OSBPL1A: variants seen among roughly 807,000 people sequenced by gnomAD.
OSBPL1A encodes the protein oxysterol binding protein like 1A, also known as oxysterol-binding protein-related protein 1.
Under a neutral mutation model 137.1 loss-of-function variants are expected in OSBPL1A, and 80 were observed. The observed-to-expected ratio is 0.58, with a 90% CI of 0.49 to 0.70. The LOEUF is 0.70. Ranked by LOEUF, OSBPL1A falls within the 30% of genes least tolerant of loss-of-function variation. OSBPL1A has a pLI of 0.00. For missense variants in OSBPL1A, 970 were observed against 1,129.4 expected (o/e 0.86, Z 2.02); for synonymous variants, 365 against 389.7 (o/e 0.94, Z 0.75).
intron 16 of OSBPL1A, among the ~76,000 whole-genome samples, chr18:24,229,895 C>T (rs1312902507): frequency 2.0e-5 from 3 of 152,010 alleles, no homozygotes; most frequent in Non-Finnish European, 2.9e-5. Context: ...GGACTATAAG[C>T]GCGCGCCACC....
chr18:24,175,104 GTA>G (rs775433072), intron 21 of OSBPL1A, among the ~76,000 whole-genome samples: 680 of 42,342 alleles, frequency 0.016, 14 homozygotes, highest in South Asian at 0.031. Flanking sequence ...TTTGCCATGT[GTA>G]TGTATATATA....
At chr18:24,258,925 CT>C (rs543867145) in intron 15 of OSBPL1A, among the ~76,000 whole-genome samples, 7,140 of 92,564 alleles carry the variant, frequency 0.077, 182 homozygotes, top group Middle Eastern at 0.15. Flanking sequence ...AAAATTACAT[CT>C]TTTTTTTTTT....
intron 17 of OSBPL1A, among the ~76,000 whole-genome samples, chr18:24,221,294 T>C (rs1330354326): frequency 6.6e-6 from 1 of 152,214 alleles, no homozygotes; most frequent in East Asian, 1.9e-4. Context: ...ACAACTGTTA[T>C]GTTACACTCC....
chr18:24,315,252 C>T (rs1415240179), intron 11 of OSBPL1A, among the ~76,000 whole-genome samples: 1 of 152,068 alleles, frequency 6.6e-6, no homozygotes, highest in African/African-American at 2.4e-5. Context: ...TGTCTTTGGA[C>T]ATTAATAAAG....
At chr18:24,180,513 C>T (rs561134336) in intron 19 of OSBPL1A, among the ~76,000 whole-genome samples, 65 of 151,482 alleles carry the variant, frequency 4.3e-4, no homozygotes, top group Non-Finnish European at 7.4e-4. Flanking sequence ...GGAAACACCC[C>T]GAGAAAGTCT....
chr18:24,349,767 A>G (rs1161167828), intron 4 of OSBPL1A, among the ~76,000 whole-genome samples: 1 of 151,794 alleles, frequency 6.6e-6, no homozygotes, highest in Non-Finnish European at 1.5e-5. Context: ...TCTGCCAACA[A>G]CCTGCGTGTA....
intron 1 of OSBPL1A, among the ~76,000 whole-genome samples, chr18:24,387,446 T>C (rs555211767): frequency 6.6e-6 from 1 of 152,244 alleles, no homozygotes; most frequent in African/African-American, 2.4e-5. Context: ...AATTTAAAAA[T>C]TGAGAAAACC....
At chr18:24,352,102 T>C (rs1194855356) in intron 4 of OSBPL1A, among the ~76,000 whole-genome samples, 1 of 152,000 alleles carries the variant, frequency 6.6e-6, no homozygotes, top group Non-Finnish European at 1.5e-5. Flanking sequence ...GCCCAGGAGT[T>C]CAAGACCAGC....
intron 7 of OSBPL1A, among the ~76,000 whole-genome samples, chr18:24,328,637 G>T (rs1258629942): frequency 6.6e-6 from 1 of 152,120 alleles, no homozygotes; most frequent in Admixed American, 6.5e-5. Context: ...TATGTGCAAG[G>T]TGAGGACAAC....
chr18:24,178,705 C>G (rs2086520135), intron 20 of OSBPL1A, among the ~76,000 whole-genome samples: 1 of 152,112 alleles, frequency 6.6e-6, no homozygotes, highest in Non-Finnish European at 1.5e-5. Flanking sequence ...CAAATTAAAA[C>G]AAAGAACACC....
intron 17 of OSBPL1A, among the ~76,000 whole-genome samples, chr18:24,196,429 T>C (rs553317763): frequency 2.8e-4 from 43 of 152,228 alleles, no homozygotes; most frequent in Non-Finnish European, 4.1e-4. Flanking sequence ...GTCTTCAGCA[T>C]TGCTCTGATC....
intron 9 of OSBPL1A, 138 bp downstream of exon 9, chr18:24,318,463 A>G (rs1196778658): frequency 1.4e-6 from 1 of 735,794 alleles, no homozygotes; most frequent in East Asian, 2.7e-5. Flanking sequence ...AAAAAAAATC[A>G]GTGGTTTACA....
intron 15 of OSBPL1A, chr18:24,272,073 G>A (rs760409076): frequency 1.0e-6 from 1 of 982,138 alleles, no homozygotes. Flanking sequence ...CGCCGCTGGC[G>A]GGCGGAGGCG....
intron 15 of OSBPL1A, among the ~76,000 whole-genome samples, chr18:24,241,489 A>G (rs1409874035): frequency 6.6e-6 from 1 of 152,264 alleles, no homozygotes; most frequent in African/African-American, 2.4e-5. Flanking sequence ...ACACTTCTCA[A>G]AAGAAGGCGT....
At position 24,294,999 on chromosome 18, in the gene OSBPL1A, C is replaced by T. The variant is rs571814195; in HGVS notation, c.1174+8638G>A. 6.2e-4 allele frequency among the ~76,000 whole-genome samples: 95 copies of T among 152,290 alleles called. 3 individuals are homozygous for T. In the South Asian group the frequency reaches 0.019, roughly 31 times the overall value. On this transcript the variant is annotated intron_variant, in intron 14 of 27. Transcript: ENST00000319481. ...TTTAGGGAATCTCCATACTGTTCTCCATAGAGGTTGTACTAATTTACATTC... is the reference window on the plus strand; with the variant it reads ...TTTAGGGAATCTCCATACTGTTCTCTATAGAGGTTGTACTAATTTACATTC...
chr18:24,370,529 C>A (rs1034481863), intron 2 of OSBPL1A, among the ~76,000 whole-genome samples: 2 of 152,156 alleles, frequency 1.3e-5, no homozygotes, highest in Non-Finnish European at 2.9e-5. Flanking sequence ...GGACCCACTG[C>A]CAGAGCCACA....
chr18:24,165,191 C>G (rs750630525), intron 26 of OSBPL1A, 36 bp from the exon 27 acceptor site: 2 of 1,549,466 alleles, frequency 1.3e-6, no homozygotes, highest in Admixed American at 1.7e-5. Context: ...CATTAACACT[C>G]TACACAGAGG....
chr18:24,181,033 T>C, intron 19 of OSBPL1A, 112 bp downstream of exon 19: 1 of 1,309,748 alleles, frequency 7.6e-7, no homozygotes, highest in East Asian at 2.5e-5. Context: ...TTTGATAAAA[T>C]TGCCCAACCT....
intron 18 of OSBPL1A, among the ~76,000 whole-genome samples, chr18:24,187,305 T>G (rs1009279178): frequency 1.5e-4 from 23 of 152,132 alleles, no homozygotes; most frequent in African/African-American, 5.1e-4. Context: ...GTTCTGTGGA[T>G]GGACAGTGGT....
Sources: allele counts gnomAD v4.1 joint callset (sites outside exome capture counted in the v4.1 genomes callset), GRCh38; gene constraint gnomAD v4.1.1; transcripts MANE v1.5; gene names NCBI Gene and HGNC (gene_info 2026-07-23, HGNC 2026-07-21).